ABLIM3: variants seen among roughly 807,000 people sequenced by gnomAD.
The protein encoded by ABLIM3 is actin binding LIM protein family member 3.
In ABLIM3, 61 loss-of-function variants were observed where a neutral mutation model predicts 109.5. The ratio of observed to expected loss-of-function variants is 0.56; its 90% CI spans 0.45 to 0.69. The LOEUF (loss-of-function observed/expected upper bound fraction) is 0.69, where lower values mean the gene tolerates loss of function less well. Ranked by LOEUF, ABLIM3 falls within the 30% of genes least tolerant of loss-of-function variation. The probability of loss-of-function intolerance (pLI) is 0.00; values close to 1 mark genes in which losing one functional copy is unlikely to be tolerated. For synonymous variants in ABLIM3, 300 were observed against 324.8 expected (o/e 0.92, Z 0.82); for missense variants, 796 against 889.5 (o/e 0.89, Z 1.34).
rs114575408 is a variant in ABLIM3, at chr5:149,230,688, G to A, written c.797G>A (p.Arg266Gln). 1.4e-3 allele frequency: 2,282 copies of A among 1,613,960 alleles called. 4 individuals carry two copies. The highest frequency in any genetic ancestry group is 1.9e-3 in the Non-Finnish European group (2,186 of 1,179,920). ...CACCCCATCTGCAAACAGGCAGCCC[G>A]GGCAGAGAAGAAGTTAAAGGTAAGC... ...VWHPICKQAA[R>Q]AEKKLKHRRT... is the part of the protein sequence containing the mutation. Residue 266 changes from arginine (R) to glutamine (Q), a missense_variant, in exon 9 of 24, where the codon CGG (arginine) becomes CAG (glutamine). Transcript: ENST00000309868.
At position 149,230,725 on chromosome 5, in the gene ABLIM3, T is replaced by C. The variant is rs565497043; in HGVS notation, c.816+18T>C. On this transcript the variant is annotated intron_variant, in intron 9 of 23. Transcript: ENST00000309868. Reference sequence around the variant, plus strand: ...AGTTAAAGGTAAGCAAGCTAGTAGATTCCAGACCAGCACTCCTGCTTTGCT... The same window carrying C: ...AGTTAAAGGTAAGCAAGCTAGTAGACTCCAGACCAGCACTCCTGCTTTGCT... 3.7e-6 allele frequency: 6 copies of C among 1,613,778 alleles called. No individual in the cohort carries two copies. The highest frequency in any genetic ancestry group is 5.1e-6 in the Non-Finnish European group (6 of 1,179,718).
Position 149,176,821 on chromosome 5 carries a change from A to T in ABLIM3, c.14-6631A>T, listed in dbSNP as rs74961411. On this transcript the variant is annotated intron_variant, in intron 2 of 23. Transcript: ENST00000309868. ...ATCTTGGAACATGCACCCCCAGCCC[A>T]CTAACTCTAACCCTAAACCTCAGCA... The T allele has an allele frequency of 2.0e-5, 3 of 152,272 alleles. No homozygotes were observed. The East Asian group carries it at 5.8e-4, about 29-fold the overall frequency. The allele number at this position is 152,272 out of a possible 1,614,324, so 9.4% of individuals were successfully genotyped here. A position where few individuals can be genotyped will look rare whatever the true frequency, so the allele number is the denominator to read the frequency against.
At position 149,242,455 on chromosome 5, in the gene ABLIM3, C is replaced by G. The variant is rs374694952; in HGVS notation, c.1304-36C>G. On this transcript the variant is annotated intron_variant, in intron 14 of 23. Transcript: ENST00000309868. ...TCCCTTTTCTCCTGTCTCTCTCTCT[C>G]CCCTCCCCACTGTCCCTTCCTGGTC... 3.9e-4 allele frequency: 624 copies of G among 1,604,372 alleles called. 4 individuals carry two copies. The highest frequency in any genetic ancestry group is 2.7e-3 in the South Asian group (245 of 90,854).
Position 149,259,411 on chromosome 5 carries a change from C to T in ABLIM3, c.*1007C>T. 1 of 1,501,532 alleles carries T rather than the reference C, an allele frequency of 6.7e-7. No individual in the cohort carries two copies. Among genetic ancestry groups the T allele is most frequent in the Non-Finnish European group, 8.9e-7 (1 of 1,128,248 alleles). The allele number at this position is 1,501,532 out of a possible 1,614,324, so 93.0% of individuals were successfully genotyped here. On this transcript the variant is annotated 3_prime_UTR_variant, in exon 24 of 24. Coordinates refer to ENST00000309868, the MANE Select transcript of ABLIM3 (RefSeq NM_014945.5). ...CAACCAGACAGACAACTCTCATCAT[C>T]CTCCAGAGAGAAAATAGGCCGTGTC...
Position 149,217,250 on chromosome 5 carries a change from T to A in ABLIM3, c.757+204T>A, listed in dbSNP as rs1581155170. 1.2e-5 allele frequency: 7 copies of A among 600,456 alleles called. No individual in the cohort carries two copies. The East Asian group carries it at 2.0e-4, about 17-fold the overall frequency. The allele number at this position is 600,456 out of a possible 1,614,324, so 37.2% of individuals were successfully genotyped here. The stretch of plus-strand genomic sequence containing the variant: ...GGCTAATATGAAGTGACATGTAATC[T>A]GCCTTCCGTCTCTGTGCACCTCCAC... On this transcript the variant is annotated intron_variant, in intron 8 of 23. Transcript: ENST00000309868.
intron 2 of ABLIM3, among the ~76,000 whole-genome samples, chr5:149,161,476 T>C (rs1754359912): frequency 6.6e-6 from 1 of 152,306 alleles, no homozygotes; most frequent in South Asian, 2.1e-4. Flanking sequence ...GTGAGTAGGA[T>C]TTGGAGCTTC....
intron 2 of ABLIM3, 125 bp from the exon 3 acceptor site, chr5:149,183,327 G>C: frequency 8.8e-7 from 1 of 1,142,456 alleles, no homozygotes; most frequent in Non-Finnish European, 1.2e-6. Flanking sequence ...ATGAATTGAA[G>C]ATACTTTGCA....
At chr5:149,257,660 T>C (rs1754554234) in intron 23 of ABLIM3, among the ~76,000 whole-genome samples, 1 of 152,170 alleles carries the variant, frequency 6.6e-6, no homozygotes, top group Admixed American at 6.5e-5. Flanking sequence ...CTTTTAAAGC[T>C]GCTTAGAAGG....
At chr5:149,179,626 A>G (rs953227606) in intron 2 of ABLIM3, among the ~76,000 whole-genome samples, 1 of 151,676 alleles carries the variant, frequency 6.6e-6, no homozygotes, top group African/African-American at 2.4e-5. Flanking sequence ...TTTTATTTCT[A>G]GGATTCAACC....
intron 23 of ABLIM3, among the ~76,000 whole-genome samples, chr5:149,254,391 G>A (rs1754245118): frequency 2.0e-5 from 3 of 152,182 alleles, no homozygotes; most frequent in South Asian, 2.1e-4. Context: ...TCCTCTGCCT[G>A]ACCCTGAGTT....
At chr5:149,248,607 CGTGAGGCAGGAGGCGGAGCTTGCA>C (rs2127569663) in intron 18 of ABLIM3, among the ~76,000 whole-genome samples, 1 of 144,220 alleles carries the variant, frequency 6.9e-6, no homozygotes, top group African/African-American at 2.6e-5. Flanking sequence ...AGGAGAATGG[CGTGAGGCAGGAGGCGGAGCTTGCA>C]GTGAGCCGAG....
At position 149,198,317 on chromosome 5, in the gene ABLIM3, A is replaced by T; in HGVS notation, c.250A>T (p.Ser84Cys). 1.2e-6 allele frequency: 2 copies of T among 1,614,216 alleles called. No individual in the cohort carries two copies. Among genetic ancestry groups the T allele is most frequent in the Non-Finnish European group, 1.7e-6 (2 of 1,180,022 alleles). Reference protein sequence around the residue: ...YQQLYGTRCDSCRDFITGEVI... With the variant: ...YQQLYGTRCDCCRDFITGEVI... ...GCAACTCTATGGCACCCGCTGTGAC[A>T]GCTGCCGGGACTTCATCACAGGCGA... The change falls in exon 4 of 24, where the codon AGC (serine) becomes TGC (cysteine). Residue 84 changes from serine (S) to cysteine (C), a missense_variant. Ser to Cys is a moderately radical substitution (Grantham distance 112, BLOSUM62 -1). Coordinates refer to ENST00000309868, the MANE Select transcript of ABLIM3 (RefSeq NM_014945.5). This position sits in a 1 kb window ranked among gnomAD's most constrained non-coding sequence, Gnocchi z 4.2.
At chr5:149,234,850 C>A (rs774282773) in intron 10 of ABLIM3, among the ~76,000 whole-genome samples, 1 of 152,188 alleles carries the variant, frequency 6.6e-6, no homozygotes, top group African/African-American at 2.4e-5. Context: ...CAGGAAGCTG[C>A]TGCACTGTAA....
intron 2 of ABLIM3, among the ~76,000 whole-genome samples, chr5:149,152,722 T>C (rs1456660819): frequency 6.6e-6 from 1 of 152,140 alleles, no homozygotes; most frequent in East Asian, 1.9e-4. Flanking sequence ...ATACGGGACA[T>C]GCCTGGTCCA....
chr5:149,222,141 TTTA>T (rs944586096), intron 8 of ABLIM3, among the ~76,000 whole-genome samples: 48 of 150,486 alleles, frequency 3.2e-4, no homozygotes, highest in African/African-American at 1.0e-3. Flanking sequence ...ATGCCATCAT[TTTA>T]TTATTATTAT....
At chr5:149,251,148 A>G (rs550594795) in intron 20 of ABLIM3, among the ~76,000 whole-genome samples, 1 of 152,250 alleles carries the variant, frequency 6.6e-6, no homozygotes, top group African/African-American at 2.4e-5. Context: ...GAAATTCACC[A>G]AATAAATGGA....
At chr5:149,191,245 G>A (rs1281941763) in intron 3 of ABLIM3, among the ~76,000 whole-genome samples, 1 of 152,012 alleles carries the variant, frequency 6.6e-6, no homozygotes, top group African/African-American at 2.4e-5. Flanking sequence ...TTAAAATAGG[G>A]ACATCGCTGT....
chr5:149,203,491 AC>A (rs1326942619), intron 5 of ABLIM3, among the ~76,000 whole-genome samples: 2 of 152,034 alleles, frequency 1.3e-5, no homozygotes, highest in African/African-American at 4.8e-5. Context: ...CACCATTGAC[AC>A]CACCACCACA....
intron 11 of ABLIM3, among the ~76,000 whole-genome samples, chr5:149,237,880 C>T (rs79482203): frequency 0.032 from 4,869 of 152,186 alleles, 110 homozygotes; most frequent in African/African-American, 0.064. Flanking sequence ...CTTTCCATTC[C>T]CCCCAGTCCC....
Sources: allele counts gnomAD v4.1 joint callset (sites outside exome capture counted in the v4.1 genomes callset), GRCh38; gene constraint gnomAD v4.1.1; non-coding constraint Gnocchi (gnomAD v3.1); transcripts MANE v1.5; gene names NCBI Gene and HGNC (gene_info 2026-07-23, HGNC 2026-07-21).